Variants in NKAIN3 observed in about 807,000 individuals in gnomAD.
NKAIN3 encodes sodium/potassium transporting ATPase interacting 3.
Under a neutral mutation model 30.2 loss-of-function variants are expected in NKAIN3, and 25 were observed. The observed-to-expected ratio is 0.83, with a 90% CI of 0.60 to 1.16. The LOEUF is 1.16. NKAIN3 is among the 50% of genes most tolerant of loss of function. The pLI, the probability that NKAIN3 is intolerant of heterozygous loss-of-function variation, is 0.00. For missense variants in NKAIN3, 225 were observed against 254.1 expected (o/e 0.89, Z 0.78); for synonymous variants, 91 against 89.6 (o/e 1.02, Z -0.09).
intron 4 of NKAIN3, among the ~76,000 whole-genome samples, chr8:62,757,850 A>G (rs1466733042): frequency 6.6e-6 from 1 of 152,240 alleles, no homozygotes; most frequent in African/African-American, 2.4e-5. Context: ...CTTGAATGCC[A>G]AGTGAAGGCC....
At chr8:62,737,796 C>T (rs993266697) in intron 3 of NKAIN3, among the ~76,000 whole-genome samples, 1 of 152,146 alleles carries the variant, frequency 6.6e-6, no homozygotes, top group Non-Finnish European at 1.5e-5. Flanking sequence ...TAATCATCAA[C>T]CCCCTTCAAT....
At chr8:62,658,013 G>C (rs951044165) in intron 3 of NKAIN3, among the ~76,000 whole-genome samples, 2 of 152,030 alleles carry the variant, frequency 1.3e-5, no homozygotes, top group African/African-American at 4.8e-5. Context: ...TATCTCAGCA[G>C]TCCATGTGCC....
chr8:62,254,438 A>G (rs1385293161), intron 1 of NKAIN3, among the ~76,000 whole-genome samples: 1 of 152,148 alleles, frequency 6.6e-6, no homozygotes, highest in African/African-American at 2.4e-5. Context: ...GACTTAATAC[A>G]AGGTGAGTAG....
chr8:62,751,814 C>CTGTGTGTGTGTGTGTG lies in NKAIN3; in HGVS notation c.471+4697_471+4712dup, dbSNP rs3032932. On this transcript the variant is annotated intron_variant, in intron 4 of 6. Transcript: ENST00000623646. ...TTATACACAATGTTATACTAAAAAA[C>CTGTGTGTGTGTGTGTG]TGTGTGTGTGTGTGTGTGTGTGTGT... 8.6e-3 allele frequency among the ~76,000 whole-genome samples: 1,255 copies of CTGTGTGTGTGTGTGTG among 146,664 alleles called. 18 individuals carry two copies. Among genetic ancestry groups the CTGTGTGTGTGTGTGTG allele is most frequent in the African/African-American group, 0.027 (1,068 of 39,838 alleles).
At chr8:62,333,413 A>G (rs1295061527) in intron 1 of NKAIN3, among the ~76,000 whole-genome samples, 1 of 152,110 alleles carries the variant, frequency 6.6e-6, no homozygotes, top group Non-Finnish European at 1.5e-5. Flanking sequence ...TATGACATGC[A>G]TTTTTAATAG....
chr8:62,806,949 G>T (rs973321077), intron 4 of NKAIN3, among the ~76,000 whole-genome samples: 2 of 152,000 alleles, frequency 1.3e-5, no homozygotes, highest in Non-Finnish European at 2.9e-5. Flanking sequence ...AGGATAGTGC[G>T]TGATGAAACG....
chr8:62,359,240 A>G (rs773938696), intron 1 of NKAIN3, among the ~76,000 whole-genome samples: 1 of 152,184 alleles, frequency 6.6e-6, no homozygotes, highest in African/African-American at 2.4e-5. Flanking sequence ...TTTTAAAATT[A>G]TTTTTCATAA....
At chr8:62,812,382 G>T (rs970060538) in intron 4 of NKAIN3, among the ~76,000 whole-genome samples, 1 of 151,788 alleles carries the variant, frequency 6.6e-6, no homozygotes, top group Admixed American at 6.6e-5. Context: ...ATGGGATCTT[G>T]TTAAAAATTG....
intron 4 of NKAIN3, among the ~76,000 whole-genome samples, chr8:62,747,685 C>A (rs188027757): frequency 5.3e-5 from 8 of 152,268 alleles, no homozygotes; most frequent in African/African-American, 1.9e-4. Context: ...GCCAGGGATT[C>A]CTTAAAAGTA....
chr8:62,837,404 C>T (rs534184535), intron 4 of NKAIN3, among the ~76,000 whole-genome samples: 12 of 152,206 alleles, frequency 7.9e-5, no homozygotes, highest in East Asian at 3.9e-4. Flanking sequence ...TAGTTGGTAT[C>T]GGGAAACACA....
intron 3 of NKAIN3, among the ~76,000 whole-genome samples, chr8:62,602,251 G>A (rs1183946773): frequency 6.6e-6 from 1 of 152,062 alleles, no homozygotes; most frequent in African/African-American, 2.4e-5. Flanking sequence ...AACAGTAGCT[G>A]TATTTCTTAT....
At chr8:62,814,857 C>T (rs1818624089) in intron 4 of NKAIN3, among the ~76,000 whole-genome samples, 1 of 151,990 alleles carries the variant, frequency 6.6e-6, no homozygotes, top group South Asian at 2.1e-4. Flanking sequence ...CAAAAGCTCG[C>T]AGAAGACAAG....
chr8:62,970,748 T>C lies in NKAIN3; in HGVS notation c.*5341T>C, dbSNP rs933923671. Among the ~76,000 whole-genome samples the C allele has an allele frequency of 1.6e-4, 25 of 152,230 alleles. No individual in the cohort carries two copies. The highest frequency in any genetic ancestry group is 1.6e-3 in the Admixed American group (25 of 15,282). On this transcript the variant is annotated 3_prime_UTR_variant, in exon 7 of 7. Transcript: ENST00000623646. The stretch of plus-strand genomic sequence containing the variant: ...GGGATTTGAACAGTCAGTTTTTAAC[T>C]CAGAATTTTGTTCTTGTTTCTTTGA...
intron 3 of NKAIN3, among the ~76,000 whole-genome samples, chr8:62,611,742 A>G (rs1811299130): frequency 6.6e-6 from 1 of 152,176 alleles, no homozygotes; most frequent in South Asian, 2.1e-4. Flanking sequence ...CAGTGGGGCA[A>G]CAAACATAGG....
intron 3 of NKAIN3, among the ~76,000 whole-genome samples, chr8:62,717,734 A>G (rs920787751): frequency 6.6e-6 from 1 of 152,158 alleles, no homozygotes; most frequent in Non-Finnish European, 1.5e-5. Context: ...AATCTTTTTA[A>G]TTTACTAGAC....
At chr8:62,507,170 C>T (rs951292982) in intron 1 of NKAIN3, among the ~76,000 whole-genome samples, 1 of 152,118 alleles carries the variant, frequency 6.6e-6, no homozygotes, top group Non-Finnish European at 1.5e-5. Context: ...TATTATATGT[C>T]TGTCAGTTTC....
At chr8:62,728,998 C>CA (rs1267245510) in intron 3 of NKAIN3, among the ~76,000 whole-genome samples, 1 of 23,648 alleles carries the variant, frequency 4.2e-5, no homozygotes, top group Non-Finnish European at 8.8e-5. Context: ...TCAAACAAAA[C>CA]AAAAAACAAA....
chr8:62,361,865 T>G (rs1000058598), intron 1 of NKAIN3, among the ~76,000 whole-genome samples: 2 of 152,208 alleles, frequency 1.3e-5, no homozygotes, highest in Non-Finnish European at 2.9e-5. Context: ...ATATATGATT[T>G]CCTCTCCCTA....
At chr8:62,390,783 A>G (rs1455959795) in intron 1 of NKAIN3, among the ~76,000 whole-genome samples, 2 of 152,126 alleles carry the variant, frequency 1.3e-5, no homozygotes, top group Admixed American at 1.3e-4. Context: ...GCATTTCTCT[A>G]ATGATCAGTG....
Sources: gnomAD v4.1 joint callset for allele counts (sites outside exome capture counted in the v4.1 genomes callset) on GRCh38, gnomAD v4.1.1 for gene constraint, MANE v1.5 for transcripts, NCBI Gene and HGNC (gene_info 2026-07-23, HGNC 2026-07-21) for gene names.